Variants in CASK observed in about 807,000 individuals in gnomAD.
The protein encoded by CASK is peripheral plasma membrane protein CASK.
CASK carries 4 observed loss-of-function variants against 82.9 expected under a neutral mutation model. That is an observed-to-expected ratio of 0.05 (90% confidence interval 0.02 to 0.11). The LOEUF is 0.11. Among genes scored for constraint, CASK ranks in the 10% least tolerant of loss-of-function variants. The pLI, the probability that CASK is intolerant of heterozygous loss-of-function variation, is 1.00. For missense variants in CASK, 358 were observed against 720.9 expected, an observed-to-expected ratio of 0.50 and a Z score of 5.76; for synonymous variants, 259 against 253.5, an observed-to-expected ratio of 1.02 and a Z score of -0.20.
At chrX:41,853,800 T>C (rs1260662807) in intron 1 of CASK, among the ~76,000 whole-genome samples, 1 of 111,978 alleles carries the variant, frequency 8.9e-6, no homozygotes, top group African/African-American at 3.2e-5. Context: ...TAATGATATT[T>C]AAAAAATGAA....
intron 3 of CASK, among the ~76,000 whole-genome samples, chrX:41,757,025 G>C (rs2068907740): frequency 9.0e-6 from 1 of 111,715 alleles, no homozygotes; most frequent in African/African-American, 3.3e-5. Flanking sequence ...GCCTATTATG[G>C]GGGCCCCATG....
chrX:41,612,653 TGGGGGGG>T (rs1437663375), intron 11 of CASK, among the ~76,000 whole-genome samples: 1 of 58,450 alleles, frequency 1.7e-5, no homozygotes, highest in South Asian at 1.4e-3. Context: ...GGGAGGGAGG[TGGGGGGG>T]TCAGACCCCC....
intron 15 of CASK, among the ~76,000 whole-genome samples, chrX:41,574,160 G>A (rs2065455791): frequency 9.0e-6 from 1 of 110,992 alleles, no homozygotes; most frequent in South Asian, 3.8e-4. Flanking sequence ...CTGTCTGTGT[G>A]CAGCTCTCTC....
intron 2 of CASK, among the ~76,000 whole-genome samples, chrX:41,799,693 G>A (rs2069949152): frequency 9.4e-6 from 1 of 106,321 alleles, no homozygotes; most frequent in African/African-American, 3.4e-5. Flanking sequence ...ACTGATCAAA[G>A]GGCTTACAAC....
At chrX:41,696,030 C>T in intron 5 of CASK, 1 of 1,210,100 alleles carries the variant, frequency 8.3e-7, no homozygotes, top group Non-Finnish European at 1.1e-6. Context: ...TGTGGGAACA[C>T]TGTTTTATAT....
At chrX:41,618,897 G>C (rs772278270) in intron 11 of CASK, among the ~76,000 whole-genome samples, 2 of 104,147 alleles carry the variant, frequency 1.9e-5, no homozygotes, top group East Asian at 6.1e-4. Flanking sequence ...TGTGATCTCG[G>C]CTCACTGCAA....
At chrX:41,708,759 T>C (rs2067925185) in intron 5 of CASK, among the ~76,000 whole-genome samples, 1 of 111,981 alleles carries the variant, frequency 8.9e-6, no homozygotes, top group South Asian at 3.7e-4. Flanking sequence ...CTAGGGCTGG[T>C]AATATATTAC....
chrX:41,793,095 C>T (rs1602632837), intron 2 of CASK, among the ~76,000 whole-genome samples: 1 of 112,153 alleles, frequency 8.9e-6, no homozygotes, highest in East Asian at 2.8e-4. Flanking sequence ...AACCCAAATC[C>T]ATCATTTAAT....
At chrX:41,897,857 C>T (rs978311132) in intron 1 of CASK, among the ~76,000 whole-genome samples, 2 of 111,848 alleles carry the variant, frequency 1.8e-5, no homozygotes, top group East Asian at 2.8e-4. Flanking sequence ...CAGTTGAATT[C>T]GGCTTGCTAG....
At chrX:41,904,703 C>T (rs1279140526) in intron 1 of CASK, among the ~76,000 whole-genome samples, 1 of 110,923 alleles carries the variant, frequency 9.0e-6, no homozygotes, top group Non-Finnish European at 1.9e-5. Context: ...ATTTTGTCAC[C>T]CAGGTAATCA....
chrX:41,726,907 C>T (rs749885347), intron 5 of CASK: 1 of 373,837 alleles, frequency 2.7e-6, no homozygotes, highest in East Asian at 4.2e-5. Context: ...TTATTTAATT[C>T]AATGTTTTTC....
chrX:41,714,797 A>G (rs2068033929), intron 5 of CASK, among the ~76,000 whole-genome samples: 1 of 112,080 alleles, frequency 8.9e-6, no homozygotes, highest in Non-Finnish European at 1.9e-5. Context: ...GCTTTCTCAC[A>G]TGATGTCAGA....
At chrX:41,797,393 T>G (rs1200746536) in intron 2 of CASK, among the ~76,000 whole-genome samples, 1 of 110,138 alleles carries the variant, frequency 9.1e-6, no homozygotes, top group East Asian at 2.9e-4. Context: ...TCTCCCAAGC[T>G]GAGGGAGGCA....
At chrX:41,828,781 T>C (rs912345767) in intron 2 of CASK, among the ~76,000 whole-genome samples, 1 of 112,291 alleles carries the variant, frequency 8.9e-6, no homozygotes, top group Non-Finnish European at 1.9e-5. Flanking sequence ...TAACTTTAGA[T>C]ACATTTTGCA....
At chrX:41,844,338 G>A (rs2071107464) in intron 2 of CASK, among the ~76,000 whole-genome samples, 1 of 111,182 alleles carries the variant, frequency 9.0e-6, no homozygotes, top group Admixed American at 9.5e-5. Flanking sequence ...AGCTATCTGG[G>A]CCTGGGCTTT....
At chrX:41,639,301 T>C (rs911180621) in intron 8 of CASK, among the ~76,000 whole-genome samples, 1 of 109,889 alleles carries the variant, frequency 9.1e-6, no homozygotes, top group South Asian at 4.0e-4. Context: ...CTTGATCTCT[T>C]GGCCTCGTGA....
In CASK at chrX:41,520,539, G is replaced by A. The variant is rs2147059682; in HGVS notation, c.2662C>T (p.His888Tyr). The A allele has an allele frequency of 8.3e-7, 1 of 1,204,572 alleles. No homozygotes were observed. Among genetic ancestry groups the A allele is most frequent in the Non-Finnish European group, 1.1e-6 (1 of 889,214 alleles). ...ESDILQRTYA[H>Y]YFDLTIINNE... ...TTGATAATTGTGAGATCGAAGTAGTGTGCATATGTTCTCTGTAAGATGTCA... is the reference window on the plus strand; with the variant it reads ...TTGATAATTGTGAGATCGAAGTAGTATGCATATGTTCTCTGTAAGATGTCA... The change falls in exon 27 of 27, where the codon CAC (histidine) becomes TAC (tyrosine). Residue 888 changes from histidine to tyrosine, a missense_variant. Around this residue, in one of 5 missense-constraint regions of CASK, gnomAD observed 118 missense variants for 169.4 expected, o/e 0.70. Transcript: ENST00000378163.
At chrX:41,648,890 T>G (rs764477141) in intron 8 of CASK, among the ~76,000 whole-genome samples, 1 of 111,599 alleles carries the variant, frequency 9.0e-6, no homozygotes, top group East Asian at 2.8e-4. Context: ...GGTCCTGGAC[T>G]TTTTTGCTTG....
intron 8 of CASK, among the ~76,000 whole-genome samples, chrX:41,646,083 C>T (rs1428856616): frequency 9.0e-6 from 1 of 111,449 alleles, no homozygotes; most frequent in Non-Finnish European, 1.9e-5. Flanking sequence ...CATCCATCTA[C>T]GAACTCAAGT....
Sources: allele counts gnomAD v4.1 joint callset (sites outside exome capture counted in the v4.1 genomes callset), GRCh38; gene constraint gnomAD v4.1.1; regional missense constraint gnomAD v4.1.1; transcripts MANE v1.5; gene names NCBI Gene and HGNC (gene_info 2026-07-23, HGNC 2026-07-21).